The following CELF2 variants were observed in gnomAD, a reference collection of about 807,000 sequenced individuals.
CELF2 encodes the protein CUG triplet repeat RNA-binding protein 2.
Under a neutral mutation model 62.6 loss-of-function variants are expected in CELF2, and 8 were observed. That is an observed-to-expected ratio of 0.13 (90% CI 0.07 to 0.23). The LOEUF is 0.23. Ranked by LOEUF, CELF2 falls within the 10% of genes least tolerant of loss-of-function variation. CELF2 has a pLI of 1.00. For missense variants in CELF2, 333 were observed against 671.0 expected, an observed-to-expected ratio of 0.50 and a Z score of 5.56; for synonymous variants, 258 against 250.0, an observed-to-expected ratio of 1.03 and a Z score of -0.30.
At position 11,322,134 on chromosome 10, in the gene CELF2, G is replaced by A. The variant is rs538180046; in HGVS notation, c.1294+748G>A. The stretch of plus-strand genomic sequence containing the variant: ...AGGGGATGGATGGCCACAGGCTTCT[G>A]TGGGTGAAACGCTCTCTGTCCTGTG... On this transcript the variant is annotated intron_variant, in intron 11 of 12. Coordinates refer to ENST00000633077, the MANE Select transcript of CELF2 (RefSeq NM_001326342.2). 3.3e-5 allele frequency among the ~76,000 whole-genome samples: 5 copies of A among 152,336 alleles called. No individual in the cohort carries two copies. In the South Asian group the frequency reaches 1.0e-3, roughly 32 times the overall value.
At chr10:11,160,011 A>G (rs1000023619) in intron 1 of CELF2, among the ~76,000 whole-genome samples, 5 of 152,192 alleles carry the variant, frequency 3.3e-5, no homozygotes, top group African/African-American at 7.2e-5. Flanking sequence ...GCTACTCTCC[A>G]TAGTGTCAGT....
the CELF2 span, among the ~76,000 whole-genome samples, chr10:10,588,575 G>A: frequency 6.6e-6 from 1 of 152,186 alleles, no homozygotes; most frequent in African/African-American, 2.4e-5. Flanking sequence ...GTGGTGGGGT[G>A]GGTCAGACTA....
At chr10:10,554,789 A>G in the CELF2 span, among the ~76,000 whole-genome samples, 1 of 152,160 alleles carries the variant, frequency 6.6e-6, no homozygotes, top group Non-Finnish European at 1.5e-5. Context: ...TACAGTTTTC[A>G]AATTCATTAA....
At chr10:11,275,370 C>T (rs905893285) in intron 8 of CELF2, among the ~76,000 whole-genome samples, 8 of 152,008 alleles carry the variant, frequency 5.3e-5, no homozygotes, top group Non-Finnish European at 8.8e-5. Flanking sequence ...TGATTGGCAT[C>T]TATATCAACA....
chr10:10,937,040 A>G (rs143546528), intron 2 of CELF2, among the ~76,000 whole-genome samples: 2 of 152,008 alleles, frequency 1.3e-5, no homozygotes, highest in Non-Finnish European at 2.9e-5. Flanking sequence ...TTAGGCTTCA[A>G]TTACATCTCA....
chr10:10,807,048 T>C (rs2055310875), intron 1 of CELF2, among the ~76,000 whole-genome samples: 1 of 152,230 alleles, frequency 6.6e-6, no homozygotes, highest in African/African-American at 2.4e-5. Flanking sequence ...AGATGATATT[T>C]ATATAAGTGC....
rs578112339 is a variant in CELF2, at chr10:10,988,608, C to A, written c.89+68609C>A. On this transcript the variant is annotated intron_variant, in intron 2 of 13. Coordinates refer to the CELF2 transcript ENST00000636488. ...AGTGCACTCAAATCTCAGAAATCAT[C>A]ACTAAATAACTTATCCAAGTAACCA... 5.3e-5 allele frequency among the ~76,000 whole-genome samples: 8 copies of A among 152,140 alleles called. No individual in the cohort carries two copies. The South Asian group carries it at 1.5e-3, about 28-fold the overall frequency.
intron 1 of CELF2, among the ~76,000 whole-genome samples, chr10:10,810,026 A>G (rs770361141): frequency 6.6e-6 from 1 of 152,342 alleles, no homozygotes; most frequent in South Asian, 2.1e-4. Context: ...GAAAGATTTA[A>G]TTTACATAAG....
At chr10:10,915,791 T>A (rs1048987225) in intron 1 of CELF2, among the ~76,000 whole-genome samples, 1 of 152,214 alleles carries the variant, frequency 6.6e-6, no homozygotes, top group African/African-American at 2.4e-5. Flanking sequence ...TGGTGCCTTA[T>A]ACAGTTTCTT....
At chr10:10,500,392 CAT>C in the CELF2 span, among the ~76,000 whole-genome samples, 2 of 152,142 alleles carry the variant, frequency 1.3e-5, no homozygotes, top group African/African-American at 4.8e-5. Context: ...CTACAATTCT[CAT>C]GTGTTGTTGG....
At chr10:10,615,382 C>T in the CELF2 span, among the ~76,000 whole-genome samples, 1 of 152,152 alleles carries the variant, frequency 6.6e-6, no homozygotes, top group Non-Finnish European at 1.5e-5. Context: ...GTCCAGGAGG[C>T]CACACTCTGC....
rs188521614 is a variant in CELF2, at chr10:11,206,857, T to C, written c.272-10568T>C. Among the ~76,000 whole-genome samples the C allele has an allele frequency of 8.1e-4, 123 of 152,376 alleles. 2 individuals carry two copies. Among genetic ancestry groups the C allele is most frequent in the Admixed American group, 5.4e-3 (83 of 15,308 alleles). ...CTCTAACAAAGAAGACTCCTTGCTT[T>C]CTTCACGTCACCCCCTGGGGGCCTG... On this transcript the variant is annotated intron_variant, in intron 2 of 12. Transcript: ENST00000633077.
intron 1 of CELF2, among the ~76,000 whole-genome samples, chr10:11,073,533 T>C (rs2070822758): frequency 6.6e-6 from 1 of 152,226 alleles, no homozygotes; most frequent in Non-Finnish European, 1.5e-5. Context: ...TTGTGATAGT[T>C]ATAAAAATAG....
At chr10:10,478,246 G>C in the CELF2 span, among the ~76,000 whole-genome samples, 2 of 152,140 alleles carry the variant, frequency 1.3e-5, no homozygotes, top group African/African-American at 2.4e-5. Context: ...ATTACATTAA[G>C]AGTTTCCACC....
chr10:10,495,322 T>TC, the CELF2 span, among the ~76,000 whole-genome samples: 1 of 152,150 alleles, frequency 6.6e-6, no homozygotes, highest in Non-Finnish European at 1.5e-5. Context: ...CAAAAAGAGT[T>TC]CATATTATGT....
intron 1 of CELF2, among the ~76,000 whole-genome samples, chr10:10,825,246 G>T (rs914531567): frequency 6.6e-6 from 1 of 152,158 alleles, no homozygotes; most frequent in Non-Finnish European, 1.5e-5. Context: ...GTCTCGCTCT[G>T]TCACCCAGGC....
At chr10:10,724,295 G>T in the CELF2 span, among the ~76,000 whole-genome samples, 1,208 of 152,264 alleles carry the variant, frequency 7.9e-3, 8 homozygotes, top group Middle Eastern at 0.017. Context: ...CATTGATAAA[G>T]TGAAGGCCTC....
chr10:11,013,310 A>G (rs182485268), upstream of CELF2, among the ~76,000 whole-genome samples: 46 of 152,368 alleles, frequency 3.0e-4, no homozygotes, highest in Non-Finnish European at 5.7e-4. This position sits in a 1 kb window ranked among gnomAD's most constrained non-coding sequence, Gnocchi z 4.1. Context: ...CAATCTTGGT[A>G]CAATGGAGAA....
chr10:10,924,668 G>T (rs2065277714), intron 2 of CELF2, among the ~76,000 whole-genome samples: 2 of 141,036 alleles, frequency 1.4e-5, no homozygotes, highest in Admixed American at 1.4e-4. Context: ...AGTTAAAGAA[G>T]TTACGAAAGA....
Sources: allele counts gnomAD v4.1 joint callset (sites outside exome capture counted in the v4.1 genomes callset), GRCh38; gene constraint gnomAD v4.1.1; non-coding constraint Gnocchi (gnomAD v3.1); transcripts MANE v1.5; gene names NCBI Gene and HGNC (gene_info 2026-07-23, HGNC 2026-07-21).